RTN4RL1: variants seen among roughly 807,000 people sequenced by gnomAD.
RTN4RL1 encodes the protein reticulon-4 receptor-like 1.
In RTN4RL1, 7 loss-of-function variants were observed where a neutral mutation model predicts 25.6. The ratio of observed to expected loss-of-function variants is 0.27; its 90% confidence interval spans 0.16 to 0.51. RTN4RL1 has a LOEUF of 0.51. Ranked by LOEUF, RTN4RL1 falls within the 20% of genes least tolerant of loss-of-function variation. RTN4RL1 has a pLI of 0.97. For synonymous variants in RTN4RL1, 297 were observed against 288.2 expected, an observed-to-expected ratio of 1.03 and a Z score of -0.31; for missense variants, 500 against 615.6, an observed-to-expected ratio of 0.81 and a Z score of 1.99.
intron 1 of RTN4RL1, among the ~76,000 whole-genome samples, chr17:1,950,309 C>T (rs1294981410): frequency 3.3e-5 from 5 of 151,676 alleles, no homozygotes; most frequent in Admixed American, 6.6e-5. Context: ...GTGAGGGAGG[C>T]GACGGGGGTC....
chr17:2,015,793 C>T (rs1344130146), intron 1 of RTN4RL1, among the ~76,000 whole-genome samples: 13 of 152,096 alleles, frequency 8.5e-5, no homozygotes, highest in Admixed American at 5.9e-4. Flanking sequence ...GCAAGGGGTC[C>T]GAAAGGAGGG....
chr17:1,974,065 T>C (rs1374659565), intron 1 of RTN4RL1, among the ~76,000 whole-genome samples: 3 of 124,826 alleles, frequency 2.4e-5, no homozygotes, highest in Non-Finnish European at 4.9e-5. Context: ...AAAAAAGCTA[T>C]CCTTAGGAGG....
chr17:1,971,319 C>T (rs1360581951), intron 1 of RTN4RL1, among the ~76,000 whole-genome samples: 1 of 152,182 alleles, frequency 6.6e-6, no homozygotes, highest in Non-Finnish European at 1.5e-5. Flanking sequence ...TTGTAAGTTT[C>T]CTGAGGCCTC....
intron 1 of RTN4RL1, among the ~76,000 whole-genome samples, chr17:2,002,393 C>T (rs997652689): frequency 2.6e-5 from 4 of 150,958 alleles, no homozygotes; most frequent in East Asian, 2.0e-4. Flanking sequence ...CCCGGGTTCA[C>T]GCCATTCTCC....
At chr17:2,005,256 C>T (rs892733005) in intron 1 of RTN4RL1, among the ~76,000 whole-genome samples, 2 of 152,160 alleles carry the variant, frequency 1.3e-5, no homozygotes, top group African/African-American at 4.8e-5. Flanking sequence ...ATCCTCCTGC[C>T]TCGGCTTCCC....
In RTN4RL1 at chr17:1,936,849, C is replaced by T. The variant is rs189434887; in HGVS notation, c.973G>A (p.Ala325Thr). The change falls in exon 2 of 2, where the codon GCC (alanine) becomes ACC (threonine). Residue 325 changes from alanine to threonine, a missense_variant. This residue lies in a region of RTN4RL1 where 268 missense variants were observed against 274.5 expected (regional missense o/e 0.98). Transcript: ENST00000331238. ...TGGGGTGAGTGGTGTTCCTTGCGGG[C>T]GGCCCTGTCGGTGGTGGTGAGCGTG... ...SHTLTTTDRA[A>T]RKEHHSPHGP... 4.8e-4 allele frequency: 755 copies of T among 1,585,768 alleles called. 4 individuals are homozygous for T. The African/African-American group carries it at 9.1e-3, about 19-fold the overall frequency.
At chr17:2,020,859 G>C (rs2067191348) in intron 1 of RTN4RL1, among the ~76,000 whole-genome samples, 1 of 152,188 alleles carries the variant, frequency 6.6e-6, no homozygotes, top group African/African-American at 2.4e-5. Flanking sequence ...GCTCTACACA[G>C]GAAAGCCACG....
chr17:2,006,920 G>A (rs1176823716), intron 1 of RTN4RL1, among the ~76,000 whole-genome samples: 1 of 152,152 alleles, frequency 6.6e-6, no homozygotes, highest in Non-Finnish European at 1.5e-5. Context: ...ACTGTGCCCG[G>A]CCTTTTCTTT....
rs1915289069 is a variant in RTN4RL1, at chr17:1,935,754, T to C, written c.*742A>G. On this transcript the variant is annotated 3_prime_UTR_variant, in exon 2 of 2. Transcript: ENST00000331238. ...ATATATATATATATATATATATATA[T>C]GTAGAGTGTGAATATATATAAGTGG... The C allele has an allele frequency of 3.1e-6, 1 of 318,554 alleles. No homozygotes were observed. The highest frequency in any genetic ancestry group is 4.3e-6 in the Non-Finnish European group (1 of 232,036). 19.7% of individuals were successfully genotyped at this position (318,554 alleles called of 1,614,324 possible).
intron 1 of RTN4RL1, among the ~76,000 whole-genome samples, chr17:1,976,940 C>A (rs2066844995): frequency 6.6e-6 from 1 of 152,180 alleles, no homozygotes; most frequent in Admixed American, 6.5e-5. Context: ...TGAGCCAGTC[C>A]AGGTACAGTG....
intron 1 of RTN4RL1, among the ~76,000 whole-genome samples, chr17:1,946,933 T>C (rs1915565116): frequency 6.7e-6 from 1 of 148,394 alleles, no homozygotes; most frequent in African/African-American, 2.5e-5. Context: ...TGCATCTCTG[T>C]GTGAATGTGT....
At chr17:1,939,012 C>G (rs1431776269) in intron 1 of RTN4RL1, among the ~76,000 whole-genome samples, 6 of 151,404 alleles carry the variant, frequency 4.0e-5, no homozygotes, top group Admixed American at 2.6e-4. Flanking sequence ...CACTACCACA[C>G]TCCAGCCTGG....
intron 1 of RTN4RL1, among the ~76,000 whole-genome samples, chr17:2,001,865 G>T (rs2066959582): frequency 6.7e-6 from 1 of 149,500 alleles, no homozygotes; most frequent in Non-Finnish European, 1.5e-5. Flanking sequence ...TCCCCACTTG[G>T]GGTTTGCAGC....
At chr17:1,962,424 C>T (rs1325812543) in intron 1 of RTN4RL1, among the ~76,000 whole-genome samples, 2 of 151,394 alleles carry the variant, frequency 1.3e-5, no homozygotes, top group African/African-American at 2.4e-5. Flanking sequence ...GTGGTGCAAT[C>T]TCAGCTCCCT....
chr17:2,018,441 C>T (rs995782278), intron 1 of RTN4RL1, among the ~76,000 whole-genome samples: 1 of 152,152 alleles, frequency 6.6e-6, no homozygotes, highest in African/African-American at 2.4e-5. Context: ...GCAGCTCAGG[C>T]CCCAGGAGTC....
At chr17:1,986,748 T>TA (rs56653579) in intron 1 of RTN4RL1, among the ~76,000 whole-genome samples, 245 of 147,214 alleles carry the variant, frequency 1.7e-3, no homozygotes, top group African/African-American at 3.9e-3. Context: ...TAATAGCCAT[T>TA]AAAAAAAAAA....
intron 1 of RTN4RL1, among the ~76,000 whole-genome samples, chr17:1,975,376 C>T (rs772634188): frequency 1.4e-4 from 22 of 152,234 alleles, no homozygotes; most frequent in Non-Finnish European, 8.8e-5. Context: ...GGGGACCAGA[C>T]GTGGTGGCTC....
chr17:2,017,641 A>C (rs968039723), intron 1 of RTN4RL1: 1 of 152,228 alleles, frequency 6.6e-6, no homozygotes, highest in African/African-American at 2.4e-5. Context: ...CACACACTAC[A>C]GGGAGCCTGT....
At chr17:1,940,572 T>A (rs527240169) in intron 1 of RTN4RL1, among the ~76,000 whole-genome samples, 1 of 151,678 alleles carries the variant, frequency 6.6e-6, no homozygotes. Context: ...GAGGCAGGGG[T>A]GTGTTGGGGG....
Sources: allele counts gnomAD v4.1 joint callset (sites outside exome capture counted in the v4.1 genomes callset), GRCh38; gene constraint gnomAD v4.1.1; regional missense constraint gnomAD v4.1.1; transcripts MANE v1.5; gene names NCBI Gene and HGNC (gene_info 2026-07-23, HGNC 2026-07-21).